ERBB4: variants seen among roughly 807,000 people sequenced by gnomAD.
ERBB4 encodes the protein receptor tyrosine-protein kinase erbB-4.
A neutral mutation model predicts 158.0 loss-of-function variants in ERBB4; 42 were observed. The observed-to-expected ratio is 0.27, with a 90% CI of 0.21 to 0.34. The LOEUF (loss-of-function observed/expected upper bound fraction) is 0.34. Ranked by LOEUF, ERBB4 falls within the 10% of genes least tolerant of loss-of-function variation. The pLI, the probability that ERBB4 is intolerant of heterozygous loss-of-function variation, is 1.00. For synonymous variants in ERBB4, 583 were observed against 558.7 expected, an observed-to-expected ratio of 1.04 and a Z score of -0.61; for missense variants, 1,333 against 1,624.1, an observed-to-expected ratio of 0.82 and a Z score of 3.08.
At chr2:211,778,799 A>T (rs2075961410) in intron 4 of ERBB4, 1 of 152,184 alleles carries the variant, frequency 6.6e-6, no homozygotes, top group South Asian at 2.1e-4. Context: ...ATATCCCAAT[A>T]TCAAACACCC....
At position 211,599,799 on chromosome 2, in the gene ERBB4, A is replaced by G. The variant is rs1209072882; in HGVS notation, c.2301+19378T>C. On this transcript the variant is annotated intron_variant, in intron 19 of 27. Coordinates refer to ENST00000342788, the MANE Select transcript of ERBB4 (RefSeq NM_005235.3). ...TTTAAATCAAAAAGGATAACTTTTA[A>G]CTATTCCCAATATTTTAAAATTTCA... 4.6e-5 allele frequency among the ~76,000 whole-genome samples: 7 copies of G among 152,222 alleles called. 1 individual carries two copies. Among genetic ancestry groups the G allele is most frequent in the Non-Finnish European group, 7.3e-5 (5 of 68,028 alleles).
chr2:212,397,195 C>A (rs574696913), intron 1 of ERBB4, among the ~76,000 whole-genome samples: 1 of 152,164 alleles, frequency 6.6e-6, no homozygotes, highest in South Asian at 2.1e-4. Flanking sequence ...TATTGCTAGG[C>A]AGGCCATGGT....
chr2:211,604,227 T>C lies in ERBB4; in HGVS notation c.2301+14950A>G, dbSNP rs1480733874. Among the ~76,000 whole-genome samples, 7 of 152,176 alleles carry C rather than the reference T, an allele frequency of 4.6e-5. 1 individual carries two copies. The East Asian group carries it at 1.4e-3, about 29-fold the overall frequency. ...AACACCCTGAGAGAAAGAAACATGATTTGAGACTCAGCTTATATAAACATA... is the reference window on the plus strand; with the variant it reads ...AACACCCTGAGAGAAAGAAACATGACTTGAGACTCAGCTTATATAAACATA... On this transcript the variant is annotated intron_variant, in intron 19 of 27. Transcript: ENST00000342788.
intron 1 of ERBB4, among the ~76,000 whole-genome samples, chr2:212,375,895 C>T (rs1020919190): frequency 2.6e-5 from 4 of 152,060 alleles, no homozygotes; most frequent in African/African-American, 9.7e-5. Context: ...AAAGTTTGCA[C>T]AATGTCCCAA....
chr2:211,797,897 A>G (rs1000974496), intron 3 of ERBB4, among the ~76,000 whole-genome samples: 6 of 152,090 alleles, frequency 3.9e-5, no homozygotes, highest in African/African-American at 1.2e-4. Flanking sequence ...TCATCATTTT[A>G]TAAAGCACTG....
chr2:211,454,090 T>A (rs1193463054), intron 20 of ERBB4, among the ~76,000 whole-genome samples: 1 of 152,186 alleles, frequency 6.6e-6, no homozygotes, highest in Non-Finnish European at 1.5e-5. Flanking sequence ...ACTGTATAGA[T>A]TCCCTATGCT....
chr2:211,491,791 C>T (rs2065350022), intron 20 of ERBB4, among the ~76,000 whole-genome samples: 1 of 151,942 alleles, frequency 6.6e-6, no homozygotes, highest in Admixed American at 6.6e-5. Flanking sequence ...TTTGCAGAAA[C>T]ATCATTCTTG....
At chr2:212,015,576 C>T (rs1279734405) in intron 2 of ERBB4, among the ~76,000 whole-genome samples, 1 of 152,188 alleles carries the variant, frequency 6.6e-6, no homozygotes, top group African/African-American at 2.4e-5. Context: ...CTCTGTCAAT[C>T]ATTTGGCATG....
At chr2:211,779,133 C>G (rs949067545) in intron 4 of ERBB4, 7 of 152,184 alleles carry the variant, frequency 4.6e-5, no homozygotes, top group African/African-American at 1.7e-4. Context: ...TGCAGACACA[C>G]GAGCATACAG....
At chr2:211,821,648 T>C (rs2076997628) in intron 3 of ERBB4, among the ~76,000 whole-genome samples, 1 of 151,948 alleles carries the variant, frequency 6.6e-6, no homozygotes, top group Admixed American at 6.6e-5. Flanking sequence ...GGTACTGACA[T>C]AAAAGCAGAC....
At chr2:211,751,821 T>C (rs1258048297) in intron 4 of ERBB4, among the ~76,000 whole-genome samples, 2 of 152,206 alleles carry the variant, frequency 1.3e-5, no homozygotes, top group Non-Finnish European at 2.9e-5. Context: ...ACGGTTAAGA[T>C]GCAGATTCAA....
intron 2 of ERBB4, among the ~76,000 whole-genome samples, chr2:212,101,731 C>T (rs2079089533): frequency 6.6e-6 from 1 of 151,868 alleles, no homozygotes; most frequent in African/African-American, 2.4e-5. Context: ...TCACTTCTTT[C>T]ATTTCCTTAA....
At chr2:211,665,041 C>T (rs186957381) in intron 15 of ERBB4, among the ~76,000 whole-genome samples, 11 of 152,236 alleles carry the variant, frequency 7.2e-5, no homozygotes, top group African/African-American at 2.4e-4. Flanking sequence ...AATATAATTT[C>T]GAAGAATTTC....
intron 2 of ERBB4, among the ~76,000 whole-genome samples, chr2:212,001,700 C>A (rs2076109497): frequency 6.6e-6 from 1 of 152,016 alleles, no homozygotes; most frequent in Non-Finnish European, 1.5e-5. Context: ...AGAATCAACT[C>A]CAAAGTGATG....
intron 1 of ERBB4, among the ~76,000 whole-genome samples, chr2:212,483,755 G>C (rs1395567085): frequency 1.3e-5 from 2 of 149,368 alleles, no homozygotes; most frequent in Admixed American, 1.3e-4. Flanking sequence ...TCTTTTTTTT[G>C]AGACTGAGTC....
intron 19 of ERBB4, among the ~76,000 whole-genome samples, chr2:211,581,813 C>T (rs1463020131): frequency 1.3e-5 from 2 of 151,990 alleles, no homozygotes; most frequent in South Asian, 2.1e-4. Flanking sequence ...AGATTGAGAC[C>T]ATCCTGGCCA....
intron 3 of ERBB4, among the ~76,000 whole-genome samples, chr2:211,858,812 T>C (rs1468129589): frequency 6.6e-6 from 1 of 152,182 alleles, no homozygotes; most frequent in Non-Finnish European, 1.5e-5. Context: ...AGATGGAGTC[T>C]TGCTCTGTCG....
At chr2:211,700,189 T>C (rs988865498) in intron 12 of ERBB4, among the ~76,000 whole-genome samples, 1 of 152,196 alleles carries the variant, frequency 6.6e-6, no homozygotes, top group African/African-American at 2.4e-5. Context: ...AAGAAGATTC[T>C]ATCTTATTGC....
At chr2:212,537,792 CTCA>C (rs932290568) in intron 1 of ERBB4, among the ~76,000 whole-genome samples, 3 of 151,844 alleles carry the variant, frequency 2.0e-5, no homozygotes, top group African/African-American at 7.3e-5. Flanking sequence ...GTAAGCGCCC[CTCA>C]AGTCAATGGG....
Sources: allele counts gnomAD v4.1 joint callset (sites outside exome capture counted in the v4.1 genomes callset), GRCh38; gene constraint gnomAD v4.1.1; transcripts MANE v1.5; gene names NCBI Gene and HGNC (gene_info 2026-07-23, HGNC 2026-07-21).